MYO3B: variants seen among roughly 807,000 people sequenced by gnomAD.
MYO3B encodes the protein myosin-IIIb.
A neutral mutation model predicts 174.6 loss-of-function variants in MYO3B; 156 were observed. The observed-to-expected ratio is 0.89, with a 90% confidence interval of 0.78 to 1.02. MYO3B has a LOEUF of 1.02. Among genes scored for constraint, MYO3B ranks in the 50% least tolerant of loss-of-function variants. The pLI, the probability that MYO3B is intolerant of heterozygous loss-of-function variation, is 0.00. For missense variants in MYO3B, 1,632 were observed against 1,639.4 expected, an observed-to-expected ratio of 1.00 and a Z score of 0.08; for synonymous variants, 563 against 569.1, an observed-to-expected ratio of 0.99 and a Z score of 0.15.
intron 32 of MYO3B, among the ~76,000 whole-genome samples, chr2:170,594,745 C>T (rs147676034): frequency 6.6e-6 from 1 of 152,134 alleles, no homozygotes; most frequent in African/African-American, 2.4e-5. Flanking sequence ...CAGTCACCAC[C>T]TCCTCCTTGC....
intron 8 of MYO3B, among the ~76,000 whole-genome samples, chr2:170,353,546 T>C (rs1227410134): frequency 6.6e-6 from 1 of 152,180 alleles, no homozygotes; most frequent in African/African-American, 2.4e-5. Flanking sequence ...GAGTGAACTT[T>C]AATGTAAACC....
chr2:170,537,364 G>A (rs925759256), intron 30 of MYO3B, among the ~76,000 whole-genome samples: 3 of 149,216 alleles, frequency 2.0e-5, no homozygotes, highest in African/African-American at 7.5e-5. Context: ...TAATAATTCT[G>A]GTCTGATCAT....
chr2:170,519,568 G>C (rs1283420546), intron 30 of MYO3B, 28 bp downstream of exon 30: 2 of 1,556,580 alleles, frequency 1.3e-6, no homozygotes, highest in East Asian at 4.5e-5. Flanking sequence ...AGAGTTCCCT[G>C]TTGTAAACTC....
chr2:170,435,981 C>T (rs996297855), intron 22 of MYO3B, among the ~76,000 whole-genome samples: 10 of 152,180 alleles, frequency 6.6e-5, no homozygotes, highest in Non-Finnish European at 1.3e-4. Flanking sequence ...CTGAAGCAGG[C>T]GGAAAATTGC....
At chr2:170,567,609 C>T (rs1692149046) in intron 32 of MYO3B, among the ~76,000 whole-genome samples, 1 of 152,172 alleles carries the variant, frequency 6.6e-6, no homozygotes, top group South Asian at 2.1e-4. Context: ...TTGTTTCAGT[C>T]TTTGGCTGAA....
intron 7 of MYO3B, among the ~76,000 whole-genome samples, chr2:170,261,474 G>A (rs887633817): frequency 3.9e-5 from 6 of 152,170 alleles, no homozygotes; most frequent in African/African-American, 7.2e-5. Flanking sequence ...AATTGATCCC[G>A]TCACCAGATT....
At chr2:170,394,426 T>G (rs2094432821) in intron 16 of MYO3B, among the ~76,000 whole-genome samples, 1 of 152,016 alleles carries the variant, frequency 6.6e-6, no homozygotes, top group African/African-American at 2.4e-5. Flanking sequence ...ACAACAACAC[T>G]AAAGCATTAA....
intron 7 of MYO3B, among the ~76,000 whole-genome samples, chr2:170,290,621 T>C (rs981953578): frequency 2.4e-4 from 36 of 152,188 alleles, no homozygotes; most frequent in Non-Finnish European, 1.3e-4. Context: ...GGATCTTGTT[T>C]CTGTCCCTTC....
chr2:170,557,867 G>A (rs74907822), intron 32 of MYO3B, among the ~76,000 whole-genome samples: 11 of 152,080 alleles, frequency 7.2e-5, no homozygotes, highest in African/African-American at 2.2e-4. Context: ...TTTTCCACAC[G>A]GGGAGAAGCT....
At chr2:170,361,548 G>A (rs2094161158) in intron 8 of MYO3B, among the ~76,000 whole-genome samples, 2 of 152,182 alleles carry the variant, frequency 1.3e-5, no homozygotes, top group African/African-American at 2.4e-5. Context: ...GTCAAATGCC[G>A]TAGGACAGTT....
rs1470379433 is a variant in MYO3B at position 170,329,240 on chromosome 2, T to C, written c.750-6145T>C. 3.6e-5 allele frequency among the ~76,000 whole-genome samples: 5 copies of C among 137,222 alleles called. No individual in the cohort carries two copies. In the South Asian group the frequency reaches 1.2e-3, roughly 32 times the overall value. The allele number at this position is 137,222 out of a possible 152,430, so 90.0% of individuals were successfully genotyped here. On this transcript the variant is annotated intron_variant, in intron 7 of 34. Coordinates refer to ENST00000408978, the MANE Select transcript of MYO3B (RefSeq NM_138995.5). ...ACAACACAGAAAAACAGTGTGTGTG[T>C]GTGTGTGTGTGTGTGTGTGTATATA...
At chr2:170,238,600 C>G (rs2093097391) in intron 7 of MYO3B, among the ~76,000 whole-genome samples, 1 of 152,158 alleles carries the variant, frequency 6.6e-6, no homozygotes, top group Non-Finnish European at 1.5e-5. Flanking sequence ...CTTTTCCCGG[C>G]AACCCTTTCT....
intron 16 of MYO3B, among the ~76,000 whole-genome samples, chr2:170,397,291 T>G (rs1213854549): frequency 6.6e-6 from 1 of 152,216 alleles, no homozygotes; most frequent in Non-Finnish European, 1.5e-5. Context: ...TTCCTTTTTT[T>G]GGCTTTACTG....
At chr2:170,343,435 A>G (rs189983931) in intron 8 of MYO3B, 1 of 152,288 alleles carries the variant, frequency 6.6e-6, no homozygotes, top group Admixed American at 6.5e-5. Flanking sequence ...CTTGTTAAAA[A>G]AAAAAAAATC....
At chr2:170,198,836 T>C (rs2092629412) in intron 1 of MYO3B, among the ~76,000 whole-genome samples, 3 of 123,852 alleles carry the variant, frequency 2.4e-5, no homozygotes, top group Admixed American at 2.4e-4. Flanking sequence ...ACAAAGATGT[T>C]AGACTTAACA....
intron 21 of MYO3B, 124 bp downstream of exon 21, chr2:170,405,757 C>G (rs2094505535): frequency 2.6e-6 from 2 of 778,880 alleles, no homozygotes; most frequent in Non-Finnish European, 4.1e-6. Flanking sequence ...TTCCTGAATA[C>G]CTAATCATAA....
At chr2:170,276,025 G>A (rs1192739807) in intron 7 of MYO3B, among the ~76,000 whole-genome samples, 3 of 152,160 alleles carry the variant, frequency 2.0e-5, no homozygotes, top group African/African-American at 7.2e-5. Flanking sequence ...GAATACTTCT[G>A]TACTTTTCCA....
intron 32 of MYO3B, among the ~76,000 whole-genome samples, chr2:170,617,769 C>A (rs1695561663): frequency 6.6e-6 from 1 of 152,172 alleles, no homozygotes; most frequent in African/African-American, 2.4e-5. Flanking sequence ...TGTTGACAAT[C>A]TCTGTGACCT....
intron 32 of MYO3B, among the ~76,000 whole-genome samples, chr2:170,624,915 C>T (rs1192793462): frequency 1.3e-5 from 2 of 152,152 alleles, no homozygotes; most frequent in Non-Finnish European, 2.9e-5. Context: ...AGGAATGAAG[C>T]CCACTTGATC....
Sources: allele counts gnomAD v4.1 joint callset (sites outside exome capture counted in the v4.1 genomes callset), GRCh38; gene constraint gnomAD v4.1.1; transcripts MANE v1.5; gene names NCBI Gene and HGNC (gene_info 2026-07-23, HGNC 2026-07-21).